PECAM1: variants seen among roughly 807,000 people sequenced by gnomAD.
PECAM1 encodes the protein platelet and endothelial cell adhesion molecule 1.
PECAM1 carries 8 observed loss-of-function variants against 13.8 expected under a neutral mutation model. That is an observed-to-expected ratio of 0.58 (90% CI 0.34 to 1.05). PECAM1 has a LOEUF of 1.05. PECAM1 is among the 50% of genes least tolerant of loss of function. The pLI, the probability that PECAM1 is intolerant of heterozygous loss-of-function variation, is 0.03. For missense variants in PECAM1, 304 were observed against 141.2 expected (o/e 2.15, Z -5.84); for synonymous variants, 136 against 52.6 (o/e 2.58, Z -6.86).
At chr17:64,323,975 C>T (rs1555645105) in intron 15 of PECAM1, 130 bp from the exon 16 acceptor site, 3 of 800,450 alleles carry the variant, frequency 3.7e-6, no homozygotes, top group Non-Finnish European at 6.7e-6. Flanking sequence ...CACACTGGTC[C>T]CCCACCCTGC....
At position 64,334,684 on chromosome 17, in the gene PECAM1, T is replaced by A. The variant is rs1206640707; in HGVS notation, c.2165-4962A>T. 7.2e-5 allele frequency among the ~76,000 whole-genome samples: 11 copies of A among 152,246 alleles called. No individual in the cohort carries two copies. The South Asian group carries it at 2.1e-3, about 29-fold the overall frequency. ...CACCACGTCCAGCTAATTTTTTGTA[T>A]TTTTAGTAGAGATGGGGTTTCACCG... On this transcript the variant is annotated intron_variant, in intron 14 of 15. Coordinates refer to ENST00000563924, the MANE Select transcript of PECAM1 (RefSeq NM_000442.5).
intron 2 of PECAM1, among the ~76,000 whole-genome samples, chr17:64,388,528 A>C (rs1205906144): frequency 1.3e-5 from 2 of 152,188 alleles, no homozygotes; most frequent in African/African-American, 4.8e-5. Flanking sequence ...AAAACAAATC[A>C]AAGAGCTTAA....
At chr17:64,334,425 G>A (rs2035213161) in intron 14 of PECAM1, among the ~76,000 whole-genome samples, 3 of 152,084 alleles carry the variant, frequency 2.0e-5, no homozygotes, top group Non-Finnish European at 2.9e-5. Context: ...AGAAGATGAC[G>A]GGGAACATGA....
chr17:64,343,518 T>C (rs2035485899), intron 13 of PECAM1, among the ~76,000 whole-genome samples: 2 of 152,186 alleles, frequency 1.3e-5, no homozygotes, highest in Admixed American at 1.3e-4. Flanking sequence ...AGCTGGGGTC[T>C]TGGACATGTC....
At chr17:64,342,794 G>C (rs1181145042) in intron 13 of PECAM1, among the ~76,000 whole-genome samples, 2 of 152,034 alleles carry the variant, frequency 1.3e-5, no homozygotes, top group African/African-American at 4.8e-5. Context: ...CACAGGATGT[G>C]TATACAAAAA....
At chr17:64,350,090 A>G (rs2035680836) in intron 12 of PECAM1, among the ~76,000 whole-genome samples, 1 of 150,118 alleles carries the variant, frequency 6.7e-6, no homozygotes, top group East Asian at 1.9e-4. Context: ...CTCAAGAAAA[A>G]AGAGGTCCCA....
chr17:64,378,572 G>A (rs2036414161), intron 2 of PECAM1, among the ~76,000 whole-genome samples: 1 of 152,038 alleles, frequency 6.6e-6, no homozygotes, highest in Admixed American at 6.6e-5. Context: ...AACCTGGGAG[G>A]CGGGGGTTGC....
intron 2 of PECAM1, among the ~76,000 whole-genome samples, chr17:64,383,496 C>T (rs918106754): frequency 2.6e-5 from 4 of 152,106 alleles, no homozygotes; most frequent in Non-Finnish European, 4.4e-5. Context: ...TCATAGCAAA[C>T]ATTTAAGGGG....
chr17:64,359,752 C>A (rs1359911168), intron 7 of PECAM1, among the ~76,000 whole-genome samples: 1 of 90,254 alleles, frequency 1.1e-5, no homozygotes, highest in Non-Finnish European at 2.7e-5. Flanking sequence ...CCCACTACTT[C>A]TCTCGCTTTT....
intron 2 of PECAM1, among the ~76,000 whole-genome samples, chr17:64,388,259 G>T (rs988325243): frequency 3.9e-5 from 6 of 152,132 alleles, no homozygotes; most frequent in Non-Finnish European, 1.5e-5. Flanking sequence ...GGACCCCAAA[G>T]CGTGAGTGTC....
chr17:64,329,757 G>A lies in PECAM1; in HGVS notation c.2165-35C>T, dbSNP rs147323561. 5.5e-4 allele frequency: 421 copies of A among 760,604 alleles called. 3 individuals are homozygous for A. Among genetic ancestry groups the A allele is most frequent in the Middle Eastern group, 2.0e-3 (9 of 4,416 alleles). The allele number at this position is 760,604 out of a possible 1,614,324, so 47.1% of individuals were successfully genotyped here. The stretch of plus-strand genomic sequence containing the variant: ...AAAGGATGACATGGCAGTGAGCAAC[G>A]CAAATAACCCAGTTCAACTGCCCCA... On this transcript the variant is annotated intron_variant, in intron 14 of 15. Coordinates refer to ENST00000563924, the MANE Select transcript of PECAM1 (RefSeq NM_000442.5).
intron 5 of PECAM1, among the ~76,000 whole-genome samples, chr17:64,367,043 A>C (rs2036125573): frequency 6.7e-6 from 1 of 149,686 alleles, no homozygotes; most frequent in Admixed American, 6.6e-5. Context: ...AAAGTTTTGC[A>C]GCTTGTAATG....
At chr17:64,326,237 C>A (rs2034955605) in intron 15 of PECAM1, among the ~76,000 whole-genome samples, 1 of 152,230 alleles carries the variant, frequency 6.6e-6, no homozygotes, top group South Asian at 2.1e-4. Flanking sequence ...GTGCACAGGA[C>A]ACTCTGCTGC....
At chr17:64,359,879 A>G (rs2035933350) in intron 7 of PECAM1, among the ~76,000 whole-genome samples, 1 of 151,764 alleles carries the variant, frequency 6.6e-6, no homozygotes, top group Non-Finnish European at 1.5e-5. Context: ...CAGCCTCCCG[A>G]GTGGCTGGGA....
At chr17:64,388,729 G>A (rs2036654270) in intron 2 of PECAM1, among the ~76,000 whole-genome samples, 4 of 152,016 alleles carry the variant, frequency 2.6e-5, no homozygotes, top group Admixed American at 6.6e-5. Flanking sequence ...GTGCAGTGGC[G>A]CAATCCTGGC....
chr17:64,341,028 G>C (rs1319824618), intron 14 of PECAM1, among the ~76,000 whole-genome samples: 2 of 150,812 alleles, frequency 1.3e-5, no homozygotes, highest in African/African-American at 4.9e-5. Flanking sequence ...ACCGGGAGGC[G>C]GAGGTTGCAG....
rs2035840762 is a variant in PECAM1, at chr17:64,356,136, G to A, written c.1755C>T (p.Pro585=). ...CTCTGACTGTCAGTATTTTGCTTCT[G>A]GGGACACTGGAGGCGTGGTTGGCTC... ...FNRANHASSV[P]RSKILTVRVI... The change falls in exon 8 of 16, where the codon CCC becomes CCT. Residue 585 remains proline (P), a synonymous_variant. Transcript: ENST00000563924. 2.1e-6 allele frequency: 1 copy of A among 475,060 alleles called. No individual in the cohort carries two copies. The highest frequency in any genetic ancestry group is 2.0e-5 in the African/African-American group (1 of 50,396). The allele number at this position is 475,060 out of a possible 1,614,324, so 29.4% of individuals were successfully genotyped here.
intron 2 of PECAM1, among the ~76,000 whole-genome samples, chr17:64,387,474 GA>G (rs1482554139): frequency 1.1e-4 from 17 of 152,324 alleles, no homozygotes; most frequent in South Asian, 4.1e-4. Context: ...CCTAAAAAAA[GA>G]GTTCCCATTC....
At chr17:64,328,347 C>T (rs1598273473) in intron 15 of PECAM1, among the ~76,000 whole-genome samples, 1 of 152,224 alleles carries the variant, frequency 6.6e-6, no homozygotes, top group East Asian at 1.9e-4. Context: ...ACAGCAACTT[C>T]ACATCTTGGA....
Sources: gnomAD v4.1 joint callset for allele counts (sites outside exome capture counted in the v4.1 genomes callset) on GRCh38, gnomAD v4.1.1 for gene constraint, MANE v1.5 for transcripts, NCBI Gene and HGNC (gene_info 2026-07-23, HGNC 2026-07-21) for gene names.